The following SMOC1 variants were observed in gnomAD, a reference collection of about 807,000 sequenced individuals.
SMOC1 encodes SPARC-related modular calcium-binding protein 1.
SMOC1 carries 22 observed loss-of-function variants against 56.3 expected under a neutral mutation model. The observed-to-expected ratio is 0.39, with a 90% confidence interval of 0.28 to 0.56. SMOC1 has a LOEUF of 0.56. Among genes scored for constraint, SMOC1 ranks in the 20% least tolerant of loss-of-function variants. The pLI, the probability that SMOC1 is intolerant of heterozygous loss-of-function variation, is 0.61. For missense variants in SMOC1, 509 were observed against 565.4 expected (o/e 0.90, Z 1.01); for synonymous variants, 193 against 215.0 (o/e 0.90, Z 0.89).
intron 8 of SMOC1, among the ~76,000 whole-genome samples, chr14:70,011,269 T>C (rs922281619): frequency 1.3e-5 from 2 of 152,196 alleles, no homozygotes; most frequent in East Asian, 3.8e-4. Flanking sequence ...ATTGTTATTA[T>C]GCTTGAGTGG....
In SMOC1 at chr14:69,949,894, G is replaced by A. The variant is rs377276048; in HGVS notation, c.100-2244G>A. Among the ~76,000 whole-genome samples, 79 of 152,310 alleles carry A rather than the reference G, an allele frequency of 5.2e-4. No individual in the cohort carries two copies. In the South Asian group the frequency reaches 0.014, roughly 26 times the overall value. Reference sequence around the variant, plus strand: ...TCGAGGGGGGTTGAGGCTGGGGATCGTGTGCAGGGCTTGACTGAACAATGC... The same window carrying A: ...TCGAGGGGGGTTGAGGCTGGGGATCATGTGCAGGGCTTGACTGAACAATGC... On this transcript the variant is annotated intron_variant, in intron 1 of 11. Transcript: ENST00000361956.
intron 1 of SMOC1, among the ~76,000 whole-genome samples, chr14:69,919,257 G>A (rs1884767818): frequency 6.6e-6 from 1 of 152,154 alleles, no homozygotes; most frequent in Non-Finnish European, 1.5e-5. Flanking sequence ...AGCATGCTCA[G>A]AAACTCAGGT....
At chr14:69,962,382 C>G (rs968431486) in intron 3 of SMOC1, among the ~76,000 whole-genome samples, 1 of 152,122 alleles carries the variant, frequency 6.6e-6, no homozygotes, top group South Asian at 2.1e-4. Flanking sequence ...CCAGGCTGGT[C>G]TTAAACTCCT....
At chr14:69,994,373 T>C in intron 6 of SMOC1, 27 bp from the exon 7 acceptor site, 2 of 1,588,444 alleles carry the variant, frequency 1.3e-6, no homozygotes, top group African/African-American at 2.7e-5. Context: ...GCCCAGACTT[T>C]TTCTCTCTCC....
chr14:69,983,540 A>G (rs1335834403), intron 5 of SMOC1, among the ~76,000 whole-genome samples: 1 of 152,220 alleles, frequency 6.6e-6, no homozygotes, highest in African/African-American at 2.4e-5. Context: ...CCACCTCTGC[A>G]GGGGAGGGAA....
At chr14:69,930,552 G>A (rs569214740) in intron 1 of SMOC1, among the ~76,000 whole-genome samples, 2 of 152,182 alleles carry the variant, frequency 1.3e-5, no homozygotes, top group Admixed American at 6.5e-5. Flanking sequence ...CACTTTTTCT[G>A]GGTAAGTGAT....
At chr14:69,994,274 T>C in intron 6 of SMOC1, 126 bp from the exon 7 acceptor site, 1 of 805,170 alleles carries the variant, frequency 1.2e-6, no homozygotes, top group Non-Finnish European at 2.2e-6. Flanking sequence ...GGAGTGGATG[T>C]GGGAGAGAGC....
intron 1 of SMOC1, among the ~76,000 whole-genome samples, chr14:69,934,822 G>T (rs1885255492): frequency 6.6e-6 from 1 of 152,196 alleles, no homozygotes; most frequent in South Asian, 2.1e-4. Context: ...GGAGCCATAG[G>T]TCTGGGTTTG....
intron 1 of SMOC1, chr14:69,885,388 G>A (rs976585059): frequency 5.0e-6 from 8 of 1,598,716 alleles, no homozygotes; most frequent in African/African-American, 1.3e-5. Context: ...TTTTGCGCTT[G>A]GCGATACGAG....
At chr14:69,885,778 T>C (rs878882298) in intron 1 of SMOC1, 53 of 1,558,802 alleles carry the variant, frequency 3.4e-5, no homozygotes, top group South Asian at 1.7e-4. Context: ...TGCCAGCAGC[T>C]TTCTTCTCGG....
chr14:70,012,217 G>A (rs894397761), intron 9 of SMOC1, among the ~76,000 whole-genome samples: 2 of 151,646 alleles, frequency 1.3e-5, no homozygotes, highest in Admixed American at 1.3e-4. Flanking sequence ...AGAACTGAAA[G>A]CAGAGAGTTC....
At chr14:70,006,436 G>A (rs1885150620) in intron 7 of SMOC1, among the ~76,000 whole-genome samples, 1 of 152,190 alleles carries the variant, frequency 6.6e-6, no homozygotes, top group Non-Finnish European at 1.5e-5. Context: ...CTTATGCCCT[G>A]TGGTACTTAC....
At chr14:69,913,003 A>T (rs1472400616) in intron 1 of SMOC1, among the ~76,000 whole-genome samples, 1 of 152,236 alleles carries the variant, frequency 6.6e-6, no homozygotes, top group Non-Finnish European at 1.5e-5. Flanking sequence ...CAAATTAGAA[A>T]GTGGGAGGAA....
intron 1 of SMOC1, among the ~76,000 whole-genome samples, chr14:69,918,563 G>C (rs1427279087): frequency 6.6e-6 from 1 of 152,162 alleles, no homozygotes; most frequent in African/African-American, 2.4e-5. Context: ...CCTAGGGTCA[G>C]ATTGGCTGGA....
chr14:69,940,665 T>C (rs1251418643), intron 1 of SMOC1, among the ~76,000 whole-genome samples: 3 of 152,202 alleles, frequency 2.0e-5, no homozygotes, highest in Non-Finnish European at 2.9e-5. Flanking sequence ...TCCTCTCTTA[T>C]AATCCATGAT....
chr14:69,975,696 T>G lies in SMOC1; in HGVS notation c.379-19T>G. On this transcript the variant is annotated intron_variant, in intron 3 of 11. Transcript: ENST00000361956. ...GACCGAGACTTATGGTTTTCTTCCC[T>G]TTTCACTTCCCTGAACAGGTGCAGT... 6.3e-7 allele frequency: 1 copy of G among 1,592,054 alleles called. No individual in the cohort carries two copies.
At chr14:70,023,481 A>G (rs373775929) in intron 11 of SMOC1, 34 bp downstream of exon 11, 66 of 1,613,704 alleles carry the variant, frequency 4.1e-5, no homozygotes, top group Non-Finnish European at 5.3e-5. Context: ...TGGCCTTTCA[A>G]TACTTGCCCC....
chr14:69,896,324 T>G (rs1349640432), intron 1 of SMOC1, among the ~76,000 whole-genome samples: 2 of 152,198 alleles, frequency 1.3e-5, no homozygotes, highest in Non-Finnish European at 2.9e-5. Flanking sequence ...TGAGATTAGG[T>G]ATCTTTCTCA....
At chr14:69,927,268 C>T (rs1885035612) in intron 1 of SMOC1, among the ~76,000 whole-genome samples, 1 of 152,222 alleles carries the variant, frequency 6.6e-6, no homozygotes, top group East Asian at 1.9e-4. Context: ...TTTTGCAGGT[C>T]ATCAACTTCT....
Sources: allele counts gnomAD v4.1 joint callset (sites outside exome capture counted in the v4.1 genomes callset), GRCh38; gene constraint gnomAD v4.1.1; transcripts MANE v1.5; gene names NCBI Gene and HGNC (gene_info 2026-07-23, HGNC 2026-07-21).